RSPH3: variants seen among roughly 807,000 people sequenced by gnomAD.
The protein encoded by RSPH3 is radial spoke head protein 3 homolog.
Under a neutral mutation model 43.8 loss-of-function variants are expected in RSPH3, and 21 were observed. That is an observed-to-expected ratio of 0.48 (90% CI 0.34 to 0.69). The LOEUF (loss-of-function observed/expected upper bound fraction) is 0.69, where lower values mean the gene tolerates loss of function less well. RSPH3 is among the 30% of genes least tolerant of loss of function. RSPH3 has a pLI of 0.01. For missense variants in RSPH3, 487 were observed against 516.0 expected (o/e 0.94, Z 0.54); for synonymous variants, 173 against 179.8 (o/e 0.96, Z 0.30).
chr6:158,983,746 A>G lies in RSPH3; in HGVS notation c.408T>C (p.Asp136=). Reference sequence around the variant, plus strand: ...GTGTTGGTGGTCTGTCCAAAAATGCATCTGTTTGGCATTCCATATCAACTT... The same window carrying G: ...GTGTTGGTGGTCTGTCCAAAAATGCGTCTGTTTGGCATTCCATATCAACTT... ...IIEVDMECQT[D]AFLDRPPTPL... is the part of the protein sequence containing the mutation. The change falls in exon 4 of 8, where the codon GAT becomes GAC. Residue 136 remains aspartate (D), a synonymous_variant. Coordinates refer to ENST00000367069, the MANE Select transcript of RSPH3 (RefSeq NM_031924.8). 1 of 1,609,346 alleles carries G rather than the reference A, an allele frequency of 6.2e-7. No individual in the cohort carries two copies. The highest frequency in any genetic ancestry group is 8.5e-7 in the Non-Finnish European group (1 of 1,175,682).
At position 158,977,785 on chromosome 6, in the gene RSPH3, T is replaced by C; in HGVS notation, c.1010A>G (p.Gln337Arg). 1 of 1,614,196 alleles carries C rather than the reference T, an allele frequency of 6.2e-7. No homozygotes were observed. Among genetic ancestry groups the C allele is most frequent in the Non-Finnish European group, 8.5e-7 (1 of 1,180,016 alleles). ...AGGCTCATCCTCGGGTTCTGGAGAC[T>C]GATGTGTGTCTTCCCCATGCTCATA... ...CMYEHGEDTH[Q>R]SPEPEDEPGG... is the part of the protein sequence containing the mutation. The change falls in exon 8 of 8, where the codon CAG (glutamine) becomes CGG (arginine). Residue 337 changes from glutamine (Q) to arginine (R), a missense_variant. Coordinates refer to ENST00000367069, the MANE Select transcript of RSPH3 (RefSeq NM_031924.8).
chr6:158,976,957 G>A lies in RSPH3; in HGVS notation c.*581C>T, dbSNP rs12216128. ...AGCCTCCCAAGTAGCTAGGATTACA[G>A]GCATGCGCCACCATGCCTGGCTAAT... On this transcript the variant is annotated 3_prime_UTR_variant, in exon 8 of 8. Transcript: ENST00000367069. 0.018 allele frequency: 2,710 copies of A among 152,728 alleles called. 33 individuals are homozygous for A. The highest frequency in any genetic ancestry group is 0.027 in the Middle Eastern group (8 of 298). 9.5% of individuals were successfully genotyped at this position (152,728 alleles called of 1,614,324 possible).
the RSPH3 span, among the ~76,000 whole-genome samples, chr6:158,965,273 T>TAGCCAAAC: frequency 2.0e-5 from 3 of 152,250 alleles, no homozygotes; most frequent in South Asian, 6.2e-4. Flanking sequence ...GGTTTCCCTG[T>TAGCCAAAC]AATTCAATAT....
At chr6:158,993,802 T>C in intron 2 of RSPH3, 37 bp downstream of exon 2, 1 of 1,133,206 alleles carries the variant, frequency 8.8e-7, no homozygotes, top group Non-Finnish European at 1.3e-6. Context: ...ATAGATAATG[T>C]GAGAACACGG....
At chr6:158,981,657 G>A (rs1778033869) in intron 5 of RSPH3, among the ~76,000 whole-genome samples, 1 of 152,046 alleles carries the variant, frequency 6.6e-6, no homozygotes, top group East Asian at 1.9e-4. Flanking sequence ...CTTATTGTAA[G>A]CCCTATGCTC....
chr6:158,985,807 T>A (rs1439103527), intron 3 of RSPH3, among the ~76,000 whole-genome samples: 1 of 148,202 alleles, frequency 6.7e-6, no homozygotes, highest in Admixed American at 6.7e-5. Flanking sequence ...TTTCTCTCTC[T>A]CTCTCTCTCT....
At chr6:158,996,530 C>G (rs757291392) in intron 1 of RSPH3, among the ~76,000 whole-genome samples, 1 of 152,184 alleles carries the variant, frequency 6.6e-6, no homozygotes, top group Non-Finnish European at 1.5e-5. Flanking sequence ...AGTAAAACTT[C>G]ACAGCTTTCC....
chr6:158,968,918 C>A (rs908214464), downstream of RSPH3, among the ~76,000 whole-genome samples: 1 of 152,092 alleles, frequency 6.6e-6, no homozygotes, highest in Admixed American at 6.6e-5. Context: ...ACCATGTTGG[C>A]CAGGATGGTC....
chr6:158,965,959 G>A, the RSPH3 span, among the ~76,000 whole-genome samples: 1 of 152,148 alleles, frequency 6.6e-6, no homozygotes, highest in African/African-American at 2.4e-5. Context: ...TTTTTAATAT[G>A]AAAGTGTGTT....
At chr6:158,977,907 G>C (rs1777904496) in intron 7 of RSPH3, 59 bp from the exon 8 acceptor site, 2 of 1,378,398 alleles carry the variant, frequency 1.5e-6, no homozygotes, top group South Asian at 2.7e-5. Flanking sequence ...TATTTCAGGA[G>C]TTATAATGCT....
Position 158,999,513 on chromosome 6 carries a change from G to C in RSPH3, c.38C>G (p.Pro13Arg), listed in dbSNP as rs61750776. Residue 13 changes from proline (P) to arginine (R), a missense_variant, in exon 1 of 8, where the codon CCG becomes CGG. Pro to Arg is a moderately radical substitution (Grantham distance 103). Coordinates refer to ENST00000367069, the MANE Select transcript of RSPH3 (RefSeq NM_031924.8). ...SALTDRTSRA[P>R]STYTYTSRPR... ...CCGGCTGGTGTAGGTGTAGGTGCTC[G>C]GGGCCCGAGAGGTGCGATCAGTCAG... The C allele has an allele frequency of 8.3e-3, 13,023 of 1,566,622 alleles. 946 individuals carry two copies. In the African/African-American group the frequency reaches 0.16, roughly 19 times the overall value.
rs1778808229 is a variant in RSPH3 at position 158,999,938 on chromosome 6, C to T, written c.-388G>A. The T allele has an allele frequency of 6.2e-7, 1 of 1,609,662 alleles. No individual in the cohort carries two copies. Among genetic ancestry groups the T allele is most frequent in the Non-Finnish European group, 8.5e-7 (1 of 1,177,838 alleles). On this transcript the variant is annotated 5_prime_UTR_variant, in exon 1 of 8. Coordinates refer to ENST00000367069, the MANE Select transcript of RSPH3 (RefSeq NM_031924.8). ...AGGTGCGCCTGCGCTTTGCGAGGTT[C>T]CTGGCTAGGGAGGCGGCCTTGGCTG...
chr6:158,967,497 T>G, the RSPH3 span, among the ~76,000 whole-genome samples: 1 of 152,240 alleles, frequency 6.6e-6, no homozygotes, highest in African/African-American at 2.4e-5. Flanking sequence ...TAAAATTTAC[T>G]AAGGCTTATT....
At chr6:158,971,359 G>A (rs754721256), downstream of RSPH3, among the ~76,000 whole-genome samples, 1 of 152,126 alleles carries the variant, frequency 6.6e-6, no homozygotes, top group Non-Finnish European at 1.5e-5. Context: ...TACTGATTTT[G>A]GCAATTCTGG....
At chr6:158,971,578 G>A (rs998404444), downstream of RSPH3, among the ~76,000 whole-genome samples, 1 of 152,126 alleles carries the variant, frequency 6.6e-6, no homozygotes, top group Non-Finnish European at 1.5e-5. Flanking sequence ...TCTTATGTTA[G>A]TGCTATGAGT....
At position 158,999,817 on chromosome 6, in the gene RSPH3, G is replaced by T; in HGVS notation, c.-267C>A. On this transcript the variant is annotated 5_prime_UTR_variant, in exon 1 of 8. Transcript: ENST00000367069. ...CAACCCAGGGTTCTGTCTGGGGGCG[G>T]GAACTCCGGGCAGTTCCGGTCCCCA... 6.2e-7 allele frequency: 1 copy of T among 1,613,778 alleles called. No homozygotes were observed. The highest frequency in any genetic ancestry group is 8.5e-7 in the Non-Finnish European group (1 of 1,179,844).
intron 6 of RSPH3, among the ~76,000 whole-genome samples, 193 bp from the exon 7 acceptor site, chr6:158,978,539 T>C (rs1777926568): frequency 6.6e-6 from 1 of 152,092 alleles, no homozygotes; most frequent in African/African-American, 2.4e-5. Flanking sequence ...ATTTTTTATT[T>C]TTATTTTTTT....
rs1319205147 is a variant in RSPH3, at chr6:158,980,863, G to A, written c.770C>T (p.Ala257Val). Residue 257 changes from alanine to valine, a missense_variant, in exon 6 of 8, where the codon GCA becomes GTA. Ala to Val is a moderately conservative substitution (Grantham distance 64). Transcript: ENST00000367069. The part of the protein sequence containing the change: ...NETSQKIAAR[A>V]FAQRYLADLL... Reference sequence around the variant, plus strand: ...GTCAGCCAGGTAACGCTGTGCAAATGCTCGGGCGGCGATTTTTTGTGATGT... The same window carrying A: ...GTCAGCCAGGTAACGCTGTGCAAATACTCGGGCGGCGATTTTTTGTGATGT... 5 of 1,614,146 alleles carry A rather than the reference G, an allele frequency of 3.1e-6. No individual in the cohort carries two copies. The South Asian group carries it at 5.5e-5, about 18-fold the overall frequency.
Position 158,999,296 on chromosome 6 carries a change from G to A in RSPH3, c.116+139C>T. On this transcript the variant is annotated intron_variant, in intron 1 of 7. Coordinates refer to ENST00000367069, the MANE Select transcript of RSPH3 (RefSeq NM_031924.8). ...CCTCCACACCACGGGAGATTCCTTA[G>A]GGCAGAACTTTTATTTCGGCAGAGT... 4.0e-6 allele frequency: 3 copies of A among 750,974 alleles called. No individual in the cohort carries two copies. In the Admixed American group the frequency reaches 1.0e-4, roughly 25 times the overall value. The allele number at this position is 750,974 out of a possible 1,614,324, so 46.5% of individuals were successfully genotyped here. A position where few individuals can be genotyped will look rare whatever the true frequency, so the allele number is the denominator to read the frequency against.
Sources: allele counts gnomAD v4.1 joint callset (sites outside exome capture counted in the v4.1 genomes callset), GRCh38; gene constraint gnomAD v4.1.1; transcripts MANE v1.5; gene names NCBI Gene and HGNC (gene_info 2026-07-23, HGNC 2026-07-21).